The following EDIL3 variants were observed in gnomAD, a reference collection of about 807,000 sequenced individuals.
The protein encoded by EDIL3 is EGF like and discoidin domains 3, also known as EGF-like repeat and discoidin I-like domain-containing protein 3.
A neutral mutation model predicts 67.4 loss-of-function variants in EDIL3; 37 were observed. The ratio of observed to expected loss-of-function variants is 0.55; its 90% CI spans 0.42 to 0.72. The LOEUF (loss-of-function observed/expected upper bound fraction) is 0.72. Ranked by LOEUF, EDIL3 falls within the 30% of genes least tolerant of loss-of-function variation. The probability of loss-of-function intolerance (pLI) is 0.00; values close to 1 mark genes in which losing one functional copy is unlikely to be tolerated. For missense variants in EDIL3, 527 were observed against 586.3 expected (o/e 0.90, Z 1.04); for synonymous variants, 195 against 196.3 (o/e 0.99, Z 0.05).
At chr5:84,020,076 CAAA>C (rs9293362) in intron 9 of EDIL3, among the ~76,000 whole-genome samples, 158 of 128,296 alleles carry the variant, frequency 1.2e-3, no homozygotes, top group African/African-American at 4.3e-3. Flanking sequence ...ATCTTTTGTA[CAAA>C]AAAAAAAAAA....
chr5:84,352,688 C>A (rs1422438108), intron 1 of EDIL3, among the ~76,000 whole-genome samples: 1 of 151,928 alleles, frequency 6.6e-6, no homozygotes, highest in Non-Finnish European at 1.5e-5. Context: ...CTATTGGGAG[C>A]AATGTACATT....
chr5:83,991,421 A>T (rs1382366975), intron 9 of EDIL3, among the ~76,000 whole-genome samples: 1 of 152,114 alleles, frequency 6.6e-6, no homozygotes, highest in Admixed American at 6.6e-5. Context: ...TGCCTCATCG[A>T]TTCACCATCT....
intron 5 of EDIL3, among the ~76,000 whole-genome samples, chr5:84,125,275 T>G (rs904790786): frequency 6.6e-6 from 1 of 152,076 alleles, no homozygotes; most frequent in Non-Finnish European, 1.5e-5. Flanking sequence ...ATATTTCCAG[T>G]GACTTAATAT....
intron 4 of EDIL3, among the ~76,000 whole-genome samples, chr5:84,142,332 C>T (rs1424249456): frequency 1.3e-5 from 2 of 152,044 alleles, no homozygotes; most frequent in South Asian, 2.1e-4. Flanking sequence ...CGCTAGTTGG[C>T]CAGAGATGAA....
intron 1 of EDIL3, among the ~76,000 whole-genome samples, chr5:84,290,790 T>A (rs1342085073): frequency 6.6e-6 from 1 of 152,158 alleles, no homozygotes; most frequent in African/African-American, 2.4e-5. Flanking sequence ...TAGGTGCATG[T>A]AAAATAAACT....
Position 84,384,850 on chromosome 5 carries a change from C to T in EDIL3, c.-476G>A, listed in dbSNP as rs534308444. ...GGGAGCGAGCGGGCCGCCGGGAGCGCACTGTGTACAAACAGAGGCGGCGTG... is the reference window on the plus strand; with the variant it reads ...GGGAGCGAGCGGGCCGCCGGGAGCGTACTGTGTACAAACAGAGGCGGCGTG... On this transcript the variant is annotated 5_prime_UTR_variant, in exon 1 of 11. Transcript: ENST00000296591. The T allele has an allele frequency of 6.6e-6, 1 of 152,394 alleles. No homozygotes were observed. The highest frequency in any genetic ancestry group is 2.0e-4 in the East Asian group (1 of 5,106). The allele number at this position is 152,394 out of a possible 1,614,324, so 9.4% of individuals were successfully genotyped here.
At chr5:83,967,770 C>T (rs542839308) in intron 9 of EDIL3, among the ~76,000 whole-genome samples, 2 of 152,048 alleles carry the variant, frequency 1.3e-5, no homozygotes, top group Non-Finnish European at 1.5e-5. Context: ...AGTTGATTTT[C>T]GTGAAGACAT....
At chr5:84,363,172 C>A (rs1747649802) in intron 1 of EDIL3, among the ~76,000 whole-genome samples, 1 of 151,964 alleles carries the variant, frequency 6.6e-6, no homozygotes, top group Non-Finnish European at 1.5e-5. Context: ...GGGTTGGAAT[C>A]TTAGTTAATT....
intron 1 of EDIL3, among the ~76,000 whole-genome samples, chr5:84,362,997 T>A (rs766664409): frequency 2.6e-5 from 4 of 152,182 alleles, no homozygotes. Context: ...TGCATTTATT[T>A]TTTGATAGCA....
intron 1 of EDIL3, among the ~76,000 whole-genome samples, chr5:84,262,677 T>TTTTTTTTTTTTTTTTTTTTTTTG (rs1745256179): frequency 8.2e-6 from 1 of 121,818 alleles, no homozygotes; most frequent in Non-Finnish European, 1.7e-5. Context: ...TTTTTTTTTT[T>TTTTTTTTTTTTTTTTTTTTTTTG]TTTTTTTTTT....
At chr5:84,128,577 TG>T (rs1747907337) in intron 5 of EDIL3, among the ~76,000 whole-genome samples, 1 of 152,154 alleles carries the variant, frequency 6.6e-6, no homozygotes, top group Non-Finnish European at 1.5e-5. Flanking sequence ...TTGTGTTTTT[TG>T]TTTTGTATAT....
At chr5:84,128,282 T>C (rs561164273) in intron 5 of EDIL3, among the ~76,000 whole-genome samples, 4 of 152,190 alleles carry the variant, frequency 2.6e-5, no homozygotes, top group East Asian at 1.9e-4. Context: ...TCAGGAACCA[T>C]CTATATTCTT....
rs146473725 is a variant in EDIL3 at position 84,043,998 on chromosome 5, G to A, written c.1137+16302C>T. ...GGTAGTTCGCTGCACCTATCAACCCGTCATCTAGGTTTTAAGCCCCACATG... is the reference window on the plus strand; with the variant it reads ...GGTAGTTCGCTGCACCTATCAACCCATCATCTAGGTTTTAAGCCCCACATG... On this transcript the variant is annotated intron_variant, in intron 9 of 10. Coordinates refer to ENST00000296591, the MANE Select transcript of EDIL3 (RefSeq NM_005711.5). 4.6e-3 allele frequency among the ~76,000 whole-genome samples: 703 copies of A among 152,082 alleles called. 3 individuals carry two copies. The highest frequency in any genetic ancestry group is 0.016 in the African/African-American group (680 of 41,464).
intron 9 of EDIL3, among the ~76,000 whole-genome samples, chr5:84,033,673 C>T (rs146115030): frequency 1.4e-5 from 2 of 142,390 alleles, no homozygotes; most frequent in African/African-American, 5.4e-5. Flanking sequence ...CATTGTACTC[C>T]AACCTGGGCG....
intron 9 of EDIL3, among the ~76,000 whole-genome samples, chr5:83,984,154 C>A (rs1209179065): frequency 6.6e-6 from 1 of 151,560 alleles, no homozygotes; most frequent in Non-Finnish European, 1.5e-5. Flanking sequence ...TTCAGGGACC[C>A]AAGAGTGAAA....
intron 2 of EDIL3, among the ~76,000 whole-genome samples, chr5:84,235,487 C>T (rs973636255): frequency 1.3e-5 from 2 of 152,036 alleles, no homozygotes; most frequent in Non-Finnish European, 2.9e-5. Context: ...TAATTTTGTA[C>T]ACATGTAGTT....
chr5:84,062,228 C>T (rs1325864629), intron 8 of EDIL3, among the ~76,000 whole-genome samples: 4 of 152,012 alleles, frequency 2.6e-5, no homozygotes, highest in African/African-American at 9.7e-5. Flanking sequence ...GGCTTAATGG[C>T]AAGCTGTTTA....
At chr5:83,953,488 T>C (rs1744454780) in intron 10 of EDIL3, among the ~76,000 whole-genome samples, 1 of 151,804 alleles carries the variant, frequency 6.6e-6, no homozygotes, top group East Asian at 1.9e-4. Flanking sequence ...AGAAAAGAAA[T>C]AAAAGTGCAA....
intron 6 of EDIL3, among the ~76,000 whole-genome samples, chr5:84,072,275 T>C (rs1279010102): frequency 6.6e-6 from 1 of 152,068 alleles, no homozygotes; most frequent in African/African-American, 2.4e-5. Flanking sequence ...TATTGATAGA[T>C]AAAACACAAC....
Sources: gnomAD v4.1 joint callset for allele counts (sites outside exome capture counted in the v4.1 genomes callset) on GRCh38, gnomAD v4.1.1 for gene constraint, MANE v1.5 for transcripts, NCBI Gene and HGNC (gene_info 2026-07-23, HGNC 2026-07-21) for gene names.